RBM47: variants seen among roughly 807,000 people sequenced by gnomAD.
RBM47 encodes RNA-binding protein 47.
Under a neutral mutation model 47.1 loss-of-function variants are expected in RBM47, and 21 were observed. The observed-to-expected ratio is 0.45, with a 90% CI of 0.32 to 0.64. RBM47 has a LOEUF of 0.64. RBM47 is among the 30% of genes least tolerant of loss of function. The pLI, the probability that RBM47 is intolerant of heterozygous loss-of-function variation, is 0.05. For missense variants in RBM47, 708 were observed against 870.9 expected (o/e 0.81, Z 2.35); for synonymous variants, 375 against 361.7 (o/e 1.04, Z -0.42).
intron 1 of RBM47, among the ~76,000 whole-genome samples, chr4:40,593,735 T>C (rs191049325): frequency 1.1e-3 from 170 of 151,896 alleles, no homozygotes; most frequent in African/African-American, 4.0e-3. Flanking sequence ...AAAAACAAAA[T>C]TAGCTGGGCG....
chr4:40,528,942 C>CAAAAA (rs201660719), intron 2 of RBM47, among the ~76,000 whole-genome samples: 12 of 140,584 alleles, frequency 8.5e-5, no homozygotes, highest in African/African-American at 2.6e-4. Flanking sequence ...GACTCCGTCT[C>CAAAAA]AAAAAAAAAA....
chr4:40,591,137 G>A (rs190012837), intron 1 of RBM47, among the ~76,000 whole-genome samples: 1 of 152,214 alleles, frequency 6.6e-6, no homozygotes, highest in African/African-American at 2.4e-5. Flanking sequence ...TCTAGAATAG[G>A]TAAATCCACA....
chr4:40,622,799 T>C (rs914712824), intron 1 of RBM47, among the ~76,000 whole-genome samples: 4 of 152,176 alleles, frequency 2.6e-5, no homozygotes, highest in Admixed American at 6.5e-5. Context: ...GGAGAATCAC[T>C]GGAGCCTGGA....
At chr4:40,569,326 T>A (rs1284951736) in intron 1 of RBM47, among the ~76,000 whole-genome samples, 1 of 151,912 alleles carries the variant, frequency 6.6e-6, no homozygotes, top group African/African-American at 2.4e-5. Context: ...ACTGCCTTCT[T>A]AAGCACCAAC....
At chr4:40,437,108 TATAAAATAC>T (rs1376430325) in intron 4 of RBM47, among the ~76,000 whole-genome samples, 1,378 of 75,540 alleles carry the variant, frequency 0.018, 54 homozygotes, top group Non-Finnish European at 0.024. Context: ...TATATATATA[TATAAAATAC>T]ATATATATAT....
At chr4:40,600,647 AG>A in intron 1 of RBM47, among the ~76,000 whole-genome samples, 1 of 147,338 alleles carries the variant, frequency 6.8e-6, no homozygotes, top group Non-Finnish European at 1.5e-5. Context: ...AAAAAAGAAA[AG>A]CAAGCAGAAG....
chr4:40,474,187 G>A (rs1719295779), intron 2 of RBM47, among the ~76,000 whole-genome samples: 1 of 152,164 alleles, frequency 6.6e-6, no homozygotes, highest in South Asian at 2.1e-4. Context: ...CGGCAGAATT[G>A]AACTACAAAT....
chr4:40,567,430 G>T (rs1374734604), intron 1 of RBM47, among the ~76,000 whole-genome samples: 1 of 151,998 alleles, frequency 6.6e-6, no homozygotes, highest in Non-Finnish European at 1.5e-5. Context: ...CCATTTTCCA[G>T]AGGACAAAAC....
chr4:40,487,719 T>A (rs1001406165), intron 2 of RBM47, among the ~76,000 whole-genome samples: 2 of 152,202 alleles, frequency 1.3e-5, no homozygotes, highest in Non-Finnish European at 2.9e-5. Context: ...GCCCCAAGTA[T>A]GAAGAGATAA....
chr4:40,481,206 A>G (rs943355017), intron 2 of RBM47, among the ~76,000 whole-genome samples: 3 of 151,772 alleles, frequency 2.0e-5, no homozygotes, highest in Admixed American at 6.6e-5. Context: ...AGCACTTTCT[A>G]TAATATCCCG....
At chr4:40,488,110 T>G (rs1007921439) in intron 2 of RBM47, among the ~76,000 whole-genome samples, 6 of 151,978 alleles carry the variant, frequency 3.9e-5, no homozygotes, top group Non-Finnish European at 8.8e-5. Flanking sequence ...TCACCTGAGA[T>G]CAGGAGTTCA....
chr4:40,565,458 G>A (rs1412904478), intron 1 of RBM47, among the ~76,000 whole-genome samples: 1 of 152,112 alleles, frequency 6.6e-6, no homozygotes, highest in Non-Finnish European at 1.5e-5. Context: ...GGCCGGTGGT[G>A]GTGGACACAT....
chr4:40,525,757 T>C (rs909458807), intron 2 of RBM47, among the ~76,000 whole-genome samples: 2 of 152,200 alleles, frequency 1.3e-5, no homozygotes, highest in African/African-American at 4.8e-5. Flanking sequence ...TAGGCTTAAG[T>C]AGAAAGGAGA....
intron 6 of RBM47, 152 bp from the exon 7 acceptor site, chr4:40,426,295 A>T (rs1174832918): frequency 2.1e-6 from 2 of 965,422 alleles, no homozygotes; most frequent in East Asian, 5.2e-5. Flanking sequence ...AATTATTGTA[A>T]GCAAGTGGGA....
At chr4:40,545,126 A>G (rs1728899095) in intron 1 of RBM47, among the ~76,000 whole-genome samples, 2 of 142,772 alleles carry the variant, frequency 1.4e-5, no homozygotes, top group African/African-American at 5.3e-5. Context: ...ACCTCAGCTC[A>G]CTGCAACCTC....
intron 1 of RBM47, among the ~76,000 whole-genome samples, chr4:40,602,863 T>C (rs1735410314): frequency 6.6e-6 from 1 of 151,986 alleles, no homozygotes; most frequent in South Asian, 2.1e-4. Flanking sequence ...CACTGAAGTA[T>C]CATATATAAA....
chr4:40,436,537 G>T lies in RBM47; in HGVS notation c.1234C>A (p.His412Asn), dbSNP rs199905725. 5.5e-5 allele frequency: 89 copies of T among 1,614,148 alleles called. No homozygotes were observed. Among genetic ancestry groups the T allele is most frequent in the Admixed American group, 3.0e-4 (18 of 60,026 alleles). ...TCTTGCTGCTTTCCTTTCCCTTCATGATATCGGCTATATATACCACGACCA... is the reference window on the plus strand; with the variant it reads ...TCTTGCTGCTTTCCTTTCCCTTCATTATATCGGCTATATATACCACGACCA... ...SAGRGIYSRY[H>N]EGKGKQQEKG... Residue 412 changes from histidine (H) to asparagine (N), a missense_variant, in exon 5 of 7, where the codon CAT becomes AAT. Coordinates refer to ENST00000295971, the MANE Select transcript of RBM47 (RefSeq NM_001098634.2).
At chr4:40,536,974 G>A (rs901060981) in intron 2 of RBM47, among the ~76,000 whole-genome samples, 3 of 151,792 alleles carry the variant, frequency 2.0e-5, no homozygotes, top group Non-Finnish European at 4.4e-5. Flanking sequence ...AATGATCTGC[G>A]CCCAGCCTGC....
chr4:40,523,821 C>A (rs150948139), intron 2 of RBM47, among the ~76,000 whole-genome samples: 1 of 148,266 alleles, frequency 6.7e-6, no homozygotes, highest in Non-Finnish European at 1.5e-5. Flanking sequence ...GCAGTAATCG[C>A]GCCACTGCAC....
Sources: gnomAD v4.1 joint callset for allele counts (sites outside exome capture counted in the v4.1 genomes callset) on GRCh38, gnomAD v4.1.1 for gene constraint, MANE v1.5 for transcripts, NCBI Gene and HGNC (gene_info 2026-07-23, HGNC 2026-07-21) for gene names.